EML5: variants seen among roughly 807,000 people sequenced by gnomAD.
EML5 encodes echinoderm microtubule-associated protein-like 5.
A neutral mutation model predicts 250.0 loss-of-function variants in EML5; 120 were observed. The observed-to-expected ratio is 0.48, with a 90% confidence interval of 0.41 to 0.56. The LOEUF is 0.56. Ranked by LOEUF, EML5 falls within the 20% of genes least tolerant of loss-of-function variation. EML5 has a pLI of 0.00. For synonymous variants in EML5, 771 were observed against 806.5 expected (o/e 0.96, Z 0.75); for missense variants, 2,006 against 2,437.6 (o/e 0.82, Z 3.73).
At chr14:88,755,330 C>G (rs1044109406) in intron 1 of EML5, among the ~76,000 whole-genome samples, 5 of 152,170 alleles carry the variant, frequency 3.3e-5, no homozygotes, top group Non-Finnish European at 7.3e-5. Context: ...TGTTTCCAAG[C>G]CTTCTTTCCC....
At chr14:88,716,837 T>A (rs914806342) in intron 8 of EML5, among the ~76,000 whole-genome samples, 1 of 152,136 alleles carries the variant, frequency 6.6e-6, no homozygotes, top group African/African-American at 2.4e-5. Flanking sequence ...GTCAATATTG[T>A]GAATTATATG....
chr14:88,755,911 A>G (rs1396007949), intron 1 of EML5, among the ~76,000 whole-genome samples: 1 of 152,182 alleles, frequency 6.6e-6, no homozygotes, highest in East Asian at 1.9e-4. Flanking sequence ...AGGTGAGAAG[A>G]TCGCTTGAAC....
At chr14:88,777,531 G>A (rs946476295) in intron 1 of EML5, among the ~76,000 whole-genome samples, 4 of 152,112 alleles carry the variant, frequency 2.6e-5, no homozygotes, top group Admixed American at 1.3e-4. Flanking sequence ...TAAGTACACA[G>A]AAAAACACAG....
intron 21 of EML5, among the ~76,000 whole-genome samples, chr14:88,673,175 A>G (rs2092512164): frequency 6.6e-6 from 1 of 152,220 alleles, no homozygotes; most frequent in South Asian, 2.1e-4. Context: ...CAGCACATCA[A>G]AGATTATCCA....
At chr14:88,748,106 G>A (rs539031360) in intron 2 of EML5, among the ~76,000 whole-genome samples, 1 of 152,166 alleles carries the variant, frequency 6.6e-6, no homozygotes, top group East Asian at 1.9e-4. Flanking sequence ...TACTAATTTG[G>A]ACAAACAGAG....
At chr14:88,736,281 G>T in intron 7 of EML5, 83 bp downstream of exon 7, 1 of 1,494,734 alleles carries the variant, frequency 6.7e-7, no homozygotes, top group Non-Finnish European at 9.2e-7. Flanking sequence ...TTACGGGCGT[G>T]AGCCACAGTG....
At chr14:88,714,858 T>G (rs2093466605) in intron 9 of EML5, 81 bp downstream of exon 9, 2 of 1,362,036 alleles carry the variant, frequency 1.5e-6, no homozygotes, top group Non-Finnish European at 2.0e-6. Flanking sequence ...TATGATCAAA[T>G]GTAACTTACA....
Position 88,685,001 on chromosome 14 carries a change from G to C in EML5, c.2982+14C>G, listed in dbSNP as rs1468568268. On this transcript the variant is annotated intron_variant, in intron 20 of 43. Transcript: ENST00000554922. ...TATGTAAAGAAAAAAAAACAAATTA[G>C]CATTTAAAATTACCTGAACCAGAAG... is the stretch of plus-strand genomic sequence containing the variant. 1.9e-6 allele frequency: 3 copies of C among 1,584,612 alleles called. No individual in the cohort carries two copies. The highest frequency in any genetic ancestry group is 2.6e-6 in the Non-Finnish European group (3 of 1,167,388).
chr14:88,616,752 ATAACT>A lies in EML5; in HGVS notation c.5765_5769del (p.Lys1922IlefsTer2), dbSNP rs752450801. 1.6e-5 allele frequency: 26 copies of A among 1,613,644 alleles called. No individual in the cohort carries two copies. Among genetic ancestry groups the A allele is most frequent in the Non-Finnish European group, 1.9e-5 (22 of 1,179,778 alleles). On this transcript the variant is annotated frameshift_variant, in exon 42 of 44. Coordinates refer to ENST00000554922, the MANE Select transcript of EML5 (RefSeq NM_183387.3). LOFTEE classifies it high-confidence loss of function. ...AATTTTTCTGGACATGGGAAGTCAA[ATAACT>A]TAACCATGCCAAAGTCATCTCCTGT...
At chr14:88,669,936 G>C (rs1019387196) in intron 21 of EML5, among the ~76,000 whole-genome samples, 1 of 152,114 alleles carries the variant, frequency 6.6e-6, no homozygotes, top group African/African-American at 2.4e-5. Context: ...GTGATACCTC[G>C]AGGTGTGGGA....
At chr14:88,719,564 T>G (rs568369511) in intron 8 of EML5, among the ~76,000 whole-genome samples, 5 of 152,316 alleles carry the variant, frequency 3.3e-5, no homozygotes, top group African/African-American at 1.2e-4. Flanking sequence ...CTGAGGAGTT[T>G]GCTGTTGATA....
chr14:88,620,514 C>G lies in EML5; in HGVS notation c.5375+240G>C, dbSNP rs1432212713. On this transcript the variant is annotated intron_variant, in intron 39 of 43. Coordinates refer to ENST00000554922, the MANE Select transcript of EML5 (RefSeq NM_183387.3). This position sits in a 1 kb window ranked among gnomAD's most constrained non-coding sequence, Gnocchi z 4.3. ...CTTAATGGACATGGCTAAGTGTTAA[C>G]ATGAATTCATCAAACATTACCTACT... 5.6e-6 allele frequency: 2 copies of G among 354,408 alleles called. No homozygotes were observed. The highest frequency in any genetic ancestry group is 1.0e-5 in the Non-Finnish European group (2 of 199,708). The allele number at this position is 354,408 out of a possible 1,614,324, so 22.0% of individuals were successfully genotyped here. A position where few individuals can be genotyped will look rare whatever the true frequency, so the allele number is the denominator to read the frequency against.
At chr14:88,641,964 CT>C (rs2091089905) in intron 31 of EML5, among the ~76,000 whole-genome samples, 1 of 152,190 alleles carries the variant, frequency 6.6e-6, no homozygotes, top group South Asian at 2.1e-4. Flanking sequence ...GGATTTTTCT[CT>C]CTAATCAGTA....
At chr14:88,650,519 T>C (rs2140796653) in intron 27 of EML5, among the ~76,000 whole-genome samples, 1 of 152,284 alleles carries the variant, frequency 6.6e-6, no homozygotes, top group Admixed American at 6.5e-5. Flanking sequence ...AAGGTAAAAT[T>C]ATCACTTAGG....
chr14:88,732,306 C>G (rs192519797), intron 7 of EML5, among the ~76,000 whole-genome samples: 1 of 152,234 alleles, frequency 6.6e-6, no homozygotes, highest in East Asian at 1.9e-4. Context: ...TTCCCAGCAC[C>G]ATTTATTAAA....
chr14:88,753,027 C>A (rs1227898333), intron 2 of EML5, among the ~76,000 whole-genome samples: 8 of 152,186 alleles, frequency 5.3e-5, no homozygotes, highest in African/African-American at 1.9e-4. Context: ...CCAGGATGCA[C>A]TGGGTGCAGG....
intron 8 of EML5, among the ~76,000 whole-genome samples, chr14:88,725,079 G>C (rs1595679407): frequency 6.6e-6 from 1 of 152,168 alleles, no homozygotes; most frequent in South Asian, 2.1e-4. Flanking sequence ...TAAAATATGA[G>C]GTACCTAGAG....
At chr14:88,670,895 C>T (rs2092446317) in intron 21 of EML5, among the ~76,000 whole-genome samples, 1 of 151,804 alleles carries the variant, frequency 6.6e-6, no homozygotes, top group East Asian at 1.9e-4. Flanking sequence ...AAGGAATGAG[C>T]AAAACCTCTG....
intron 1 of EML5, among the ~76,000 whole-genome samples, chr14:88,772,384 C>T (rs542169994): frequency 6.6e-6 from 1 of 152,360 alleles, no homozygotes; most frequent in South Asian, 2.1e-4. Flanking sequence ...TCATCATTTA[C>T]CTCGGTAAAA....
Sources: allele counts gnomAD v4.1 joint callset (sites outside exome capture counted in the v4.1 genomes callset), GRCh38; gene constraint gnomAD v4.1.1; non-coding constraint Gnocchi (gnomAD v3.1); transcripts MANE v1.5; gene names NCBI Gene and HGNC (gene_info 2026-07-23, HGNC 2026-07-21).